The following SGIP1 variants were observed in gnomAD, a reference collection of about 807,000 sequenced individuals.
SGIP1 encodes the protein SH3GL interacting endocytic adaptor 1.
SGIP1 carries 38 observed loss-of-function variants against 107.5 expected under a neutral mutation model. That is an observed-to-expected ratio of 0.35 (90% confidence interval 0.27 to 0.46). The LOEUF is 0.46. Ranked by LOEUF, SGIP1 falls within the 20% of genes least tolerant of loss-of-function variation. The probability of loss-of-function intolerance (pLI) is 1.00; values close to 1 mark genes in which losing one functional copy is unlikely to be tolerated. For missense variants in SGIP1, 929 were observed against 1,019.5 expected (o/e 0.91, Z 1.21); for synonymous variants, 365 against 366.1 (o/e 1.00, Z 0.03).
rs1432698695 is a variant in SGIP1, at chr1:66,682,002, T to C, written c.948T>C (p.Ser316=). The part of the protein sequence containing the change: ...VNAEEKWVHF[S]DTSPEHVTPE... ...CTGAAGAAAAGTGGGTCCATTTTTC[T>C]GATACATCCCCGGAACATGTTACTC... Residue 316 remains serine (S), a synonymous_variant, in exon 15 of 25, where the codon TCT becomes TCC. Coordinates refer to ENST00000371037, the MANE Select transcript of SGIP1 (RefSeq NM_032291.4). 1 of 1,614,214 alleles carries C rather than the reference T, an allele frequency of 6.2e-7. No individual in the cohort carries two copies. The highest frequency in any genetic ancestry group is 8.5e-7 in the Non-Finnish European group (1 of 1,180,040).
chr1:66,653,412 T>C (rs2079121876), intron 7 of SGIP1, among the ~76,000 whole-genome samples: 1 of 152,172 alleles, frequency 6.6e-6, no homozygotes, highest in Non-Finnish European at 1.5e-5. Context: ...CTGAGCTGTA[T>C]GAATATTTAG....
At position 66,735,591 on chromosome 1, in the gene SGIP1, C is replaced by T. The variant is rs1375187118; in HGVS notation, c.2031+1711C>T. On this transcript the variant is annotated intron_variant, in intron 21 of 24. Coordinates refer to ENST00000371037, the MANE Select transcript of SGIP1 (RefSeq NM_032291.4). Reference sequence around the variant, plus strand: ...ATCCCAGCACTTTGGGAGGCCGAGGCGGGTGGATCATGAGGTCAGGAGATC... The same window carrying T: ...ATCCCAGCACTTTGGGAGGCCGAGGTGGGTGGATCATGAGGTCAGGAGATC... Among the ~76,000 whole-genome samples, 26 of 16,262 alleles carry T rather than the reference C, an allele frequency of 1.6e-3. 10 individuals are homozygous for T. The highest frequency in any genetic ancestry group is 0.011 in the African/African-American group (24 of 2,132). The allele number at this position is 16,262 out of a possible 152,430, so 10.7% of individuals were successfully genotyped here. A position where few individuals can be genotyped will look rare whatever the true frequency, so the allele number is the denominator to read the frequency against.
intron 1 of SGIP1, among the ~76,000 whole-genome samples, chr1:66,593,971 T>A (rs1031413304): frequency 1.1e-4 from 16 of 152,224 alleles, no homozygotes; most frequent in African/African-American, 3.6e-4. Flanking sequence ...TAGCATTGAA[T>A]GTTTCTTAAT....
intron 18 of SGIP1, among the ~76,000 whole-genome samples, chr1:66,706,108 C>T (rs1197799657): frequency 1.3e-5 from 2 of 150,856 alleles, no homozygotes; most frequent in Non-Finnish European, 2.9e-5. Context: ...CAAAACAAAA[C>T]AAAAAAACTT....
In SGIP1 at chr1:66,671,966, G is replaced by A; in HGVS notation, c.531G>A (p.Arg177=). 1.9e-6 allele frequency: 3 copies of A among 1,614,058 alleles called. No homozygotes were observed. The highest frequency in any genetic ancestry group is 1.1e-5 in the South Asian group (1 of 91,070). ...NLSSEEVARP[R]RSTPTPELIS... is the part of the protein sequence containing the mutation. Reference sequence around the variant, plus strand: ...CAGGTGAAGAAGTGGCAAGACCCAGGCGTTCCACACCAACTCCAGAACTTA... The same window carrying A: ...CAGGTGAAGAAGTGGCAAGACCCAGACGTTCCACACCAACTCCAGAACTTA... Residue 177 remains arginine (R), a synonymous_variant, in exon 11 of 25, where the codon AGG becomes AGA. Coordinates refer to ENST00000371037, the MANE Select transcript of SGIP1 (RefSeq NM_032291.4).
chr1:66,633,965 G>T, intron 3 of SGIP1: 1 of 807,584 alleles, frequency 1.2e-6, no homozygotes, highest in East Asian at 2.7e-5. Context: ...CTTGACTCAA[G>T]GTTCTTAGCT....
At chr1:66,581,447 C>CTAT (rs1286053134) in intron 1 of SGIP1, among the ~76,000 whole-genome samples, 2 of 151,920 alleles carry the variant, frequency 1.3e-5, no homozygotes, top group Non-Finnish European at 2.9e-5. Flanking sequence ...TCAATCTTAG[C>CTAT]TATTGTTACT....
chr1:66,571,630 G>A (rs1466643533), intron 1 of SGIP1, among the ~76,000 whole-genome samples: 1 of 151,842 alleles, frequency 6.6e-6, no homozygotes, highest in Non-Finnish European at 1.5e-5. Context: ...TTTTAAAATT[G>A]TTCAGTCATG....
chr1:66,694,508 T>C (rs1274719101), intron 17 of SGIP1: 2 of 1,597,440 alleles, frequency 1.3e-6, no homozygotes, highest in Admixed American at 1.8e-5. Context: ...CCTGCAGGTA[T>C]GGTGCTAGCC....
At chr1:66,692,900 G>A (rs2090169390) in intron 17 of SGIP1, among the ~76,000 whole-genome samples, 1 of 152,156 alleles carries the variant, frequency 6.6e-6, no homozygotes. Flanking sequence ...TGCCACAGGT[G>A]AAAACAGGAC....
At chr1:66,615,333 G>T (rs189003902) in intron 1 of SGIP1, among the ~76,000 whole-genome samples, 378 of 151,464 alleles carry the variant, frequency 2.5e-3, no homozygotes, top group Non-Finnish European at 4.3e-3. Context: ...GGATTTCACC[G>T]TTTTGGCCAA....
chr1:66,660,199 G>A lies in SGIP1; in HGVS notation c.460-314G>A, dbSNP rs868245992. On this transcript the variant is annotated intron_variant, in intron 7 of 24. Coordinates refer to ENST00000371037, the MANE Select transcript of SGIP1 (RefSeq NM_032291.4). ...AGAAAGAAAGAAAGAAAGAAAGAAA[G>A]AAAGAAAGAAAGAAAGAGAAAGAAA... The A allele has an allele frequency of 5.3e-5, 10 of 188,996 alleles. 1 individual carries two copies. The highest frequency in any genetic ancestry group is 3.8e-4 in the South Asian group (1 of 2,624). 11.7% of individuals were successfully genotyped at this position (188,996 alleles called of 1,614,324 possible). A position where few individuals can be genotyped will look rare whatever the true frequency, so the allele number is the denominator to read the frequency against.
chr1:66,603,920 A>G (rs1215601498), intron 1 of SGIP1, among the ~76,000 whole-genome samples: 1 of 152,202 alleles, frequency 6.6e-6, no homozygotes, highest in Non-Finnish European at 1.5e-5. Flanking sequence ...GTGTTAGTGG[A>G]GGGAATATAC....
rs375450086 is a variant in SGIP1, at chr1:66,633,112, C to G, written c.99+18C>G. On this transcript the variant is annotated intron_variant, in intron 3 of 24. Coordinates refer to ENST00000371037, the MANE Select transcript of SGIP1 (RefSeq NM_032291.4). ...ATGGAATTGTAAGTATTTAAATAACCATTTTTACTGAGTTTGTGCTTCAAT... is the reference window on the plus strand; with the variant it reads ...ATGGAATTGTAAGTATTTAAATAACGATTTTTACTGAGTTTGTGCTTCAAT... The G allele has an allele frequency of 2.5e-5, 38 of 1,508,184 alleles. No individual in the cohort carries two copies. The highest frequency in any genetic ancestry group is 3.2e-5 in the Non-Finnish European group (35 of 1,086,152). 93.4% of individuals were successfully genotyped at this position (1,508,184 alleles called of 1,614,324 possible).
intron 15 of SGIP1, among the ~76,000 whole-genome samples, chr1:66,683,354 G>T (rs1571776266): frequency 6.6e-6 from 1 of 152,112 alleles, no homozygotes; most frequent in Admixed American, 6.5e-5. Flanking sequence ...AAAGTGTAAG[G>T]TACTTAAATC....
chr1:66,634,130 C>A, intron 3 of SGIP1: 1 of 1,610,516 alleles, frequency 6.2e-7, no homozygotes, highest in Admixed American at 1.7e-5. Flanking sequence ...CCTCTTGCTT[C>A]TGGCTCAGAG....
intron 1 of SGIP1, among the ~76,000 whole-genome samples, chr1:66,584,552 G>T (rs1258089107): frequency 6.7e-6 from 1 of 148,874 alleles, no homozygotes; most frequent in Non-Finnish European, 1.5e-5. Flanking sequence ...CACAAGTTGG[G>T]TTTTTTCTTC....
intron 1 of SGIP1, among the ~76,000 whole-genome samples, chr1:66,589,097 T>G (rs924003990): frequency 3.4e-5 from 5 of 146,508 alleles, no homozygotes; most frequent in Non-Finnish European, 6.0e-5. Flanking sequence ...TCTGAATATG[T>G]CATCATTAAT....
chr1:66,546,226 C>T (rs192657955), intron 1 of SGIP1, among the ~76,000 whole-genome samples: 143 of 152,258 alleles, frequency 9.4e-4, no homozygotes, highest in Non-Finnish European at 1.3e-3. Context: ...CCCAAAGCAC[C>T]CATCTGCCAC....
Sources: gnomAD v4.1 joint callset for allele counts (sites outside exome capture counted in the v4.1 genomes callset) on GRCh38, gnomAD v4.1.1 for gene constraint, MANE v1.5 for transcripts, NCBI Gene and HGNC (gene_info 2026-07-23, HGNC 2026-07-21) for gene names.